PRUNE2: variants seen among roughly 807,000 people sequenced by gnomAD.
The protein encoded by PRUNE2 is protein prune homolog 2.
A neutral mutation model predicts 252.0 loss-of-function variants in PRUNE2; 164 were observed. That is an observed-to-expected ratio of 0.65 (90% CI 0.57 to 0.74). The LOEUF (loss-of-function observed/expected upper bound fraction) is 0.74, where lower values mean the gene tolerates loss of function less well. PRUNE2 is among the 30% of genes least tolerant of loss of function. The pLI is 0.00. For synonymous variants in PRUNE2, 1,292 were observed against 1,350.2 expected (o/e 0.96, Z 0.94); for missense variants, 3,495 against 3,711.0 (o/e 0.94, Z 1.51).
At chr9:76,786,912 C>G (rs1254404752) in intron 6 of PRUNE2, 1 of 152,220 alleles carries the variant, frequency 6.6e-6, no homozygotes, top group Non-Finnish European at 1.5e-5. Flanking sequence ...TACATGCATG[C>G]AAGACTGCTG....
At chr9:76,771,792 G>A (rs370744413) in intron 6 of PRUNE2, among the ~76,000 whole-genome samples, 1 of 152,154 alleles carries the variant, frequency 6.6e-6, no homozygotes, top group South Asian at 2.1e-4. Context: ...CCCAGAGGGA[G>A]AGGCCACTAT....
intron 1 of PRUNE2, among the ~76,000 whole-genome samples, chr9:76,883,011 C>T (rs1176891592): frequency 2.0e-5 from 3 of 152,140 alleles, no homozygotes; most frequent in African/African-American, 7.2e-5. Context: ...AGTTTTCTTT[C>T]TTTCAGGCCT....
At chr9:76,752,864 C>T (rs1433127997) in intron 6 of PRUNE2, among the ~76,000 whole-genome samples, 1 of 152,122 alleles carries the variant, frequency 6.6e-6, no homozygotes, top group Admixed American at 6.5e-5. Flanking sequence ...TTGAATAACC[C>T]AAAGATTGGG....
At chr9:76,797,811 TA>T (rs1333327221) in intron 6 of PRUNE2, among the ~76,000 whole-genome samples, 1 of 152,172 alleles carries the variant, frequency 6.6e-6, no homozygotes, top group African/African-American at 2.4e-5. Context: ...TCCGGTGTTT[TA>T]AACAGAAGTC....
intron 11 of PRUNE2, chr9:76,645,248 A>G (rs1400024454): frequency 5.2e-6 from 1 of 190,662 alleles, no homozygotes; most frequent in African/African-American, 2.3e-5. Context: ...ATCAGGGTAA[A>G]GAAAGATTGC....
At chr9:76,878,982 C>T (rs2061608635) in intron 1 of PRUNE2, among the ~76,000 whole-genome samples, 1 of 152,186 alleles carries the variant, frequency 6.6e-6, no homozygotes, top group African/African-American at 2.4e-5. Flanking sequence ...ACAGAATATA[C>T]TAACCAAATC....
In PRUNE2 at chr9:76,667,085, A is replaced by G. The variant is rs1228111332; in HGVS notation, c.8277-11583T>C. On this transcript the variant is annotated intron_variant, in intron 9 of 18. Coordinates refer to ENST00000376718, the MANE Select transcript of PRUNE2 (RefSeq NM_015225.3). The stretch of plus-strand genomic sequence containing the variant: ...ATTCTCTTCCAACAAATTCCTTTTG[A>G]TAAGAAGTTTAGCTTTTGTCAAAAC... Among the ~76,000 whole-genome samples the G allele has an allele frequency of 5.3e-5, 8 of 152,354 alleles. No individual in the cohort carries two copies. The East Asian group carries it at 1.3e-3, about 26-fold the overall frequency.
intron 9 of PRUNE2, among the ~76,000 whole-genome samples, chr9:76,667,439 C>T (rs2040419624): frequency 6.6e-6 from 1 of 152,200 alleles, no homozygotes; most frequent in South Asian, 2.1e-4. Flanking sequence ...CTGCAGCCCC[C>T]ATTTCACCTG....
At chr9:76,865,796 TCTCTCTC>T (rs1445849100) in intron 1 of PRUNE2, among the ~76,000 whole-genome samples, 1 of 141,682 alleles carries the variant, frequency 7.1e-6, no homozygotes, top group Non-Finnish European at 1.5e-5. Flanking sequence ...TCTTTCTCCC[TCTCTCTC>T]CCTACACACA....
At chr9:76,784,245 A>G (rs996016121) in intron 6 of PRUNE2, 3 of 152,234 alleles carry the variant, frequency 2.0e-5, no homozygotes, top group Non-Finnish European at 4.4e-5. Flanking sequence ...GCAGGAAAAC[A>G]GATCCTGTTG....
At chr9:76,870,525 A>C (rs1453405131) in intron 1 of PRUNE2, among the ~76,000 whole-genome samples, 1 of 152,042 alleles carries the variant, frequency 6.6e-6, no homozygotes, top group African/African-American at 2.4e-5. Context: ...CTCTACTAAA[A>C]ATACAAAAAA....
chr9:76,768,038 G>A (rs2052614069), intron 6 of PRUNE2, among the ~76,000 whole-genome samples: 3 of 152,130 alleles, frequency 2.0e-5, no homozygotes, highest in Non-Finnish European at 4.4e-5. Context: ...CATCACAGCG[G>A]CAGGTCAGAG....
At chr9:76,832,757 C>A (rs115397708) in intron 4 of PRUNE2, among the ~76,000 whole-genome samples, 2,109 of 151,856 alleles carry the variant, frequency 0.014, 43 homozygotes, top group African/African-American at 0.046. Flanking sequence ...ACTTGGATTT[C>A]TGGAAAAAAC....
rs1163741389 is a variant in PRUNE2 at position 76,747,805 on chromosome 9, TTTTTTTTG to T, written c.757-34092_757-34085del. ...TCCTCCATTCTCCACTTCTTTTTTTTTTTTTTTGGAGAAGAAGTCTTGCTCTGTCGCCC... is the reference window on the plus strand; with the variant it reads ...TCCTCCATTCTCCACTTCTTTTTTTTGAGAAGAAGTCTTGCTCTGTCGCCC... On this transcript the variant is annotated intron_variant, in intron 6 of 18. Transcript: ENST00000376718. 7.8e-3 allele frequency among the ~76,000 whole-genome samples: 1,189 copies of T among 152,020 alleles called. 18 individuals carry two copies. The highest frequency in any genetic ancestry group is 0.028 in the African/African-American group (1,152 of 41,468).
Position 76,707,289 on chromosome 9 carries a change from T to G in PRUNE2, c.4985A>C (p.Gln1662Pro), listed in dbSNP as rs751235106. ...AGAAATGTCATGTTCATTTTTCTCCTGGTAGCTAGCAATTAGATTGCTTTC... is the reference window on the plus strand; with the variant it reads ...AGAAATGTCATGTTCATTTTTCTCCGGGTAGCTAGCAATTAGATTGCTTTC... ...HQESNLIASY[Q>P]EKNEHDISAT... The change falls in exon 8 of 19, where the codon CAG becomes CCG. Residue 1662 changes from glutamine to proline, a missense_variant. Coordinates refer to ENST00000376718, the MANE Select transcript of PRUNE2 (RefSeq NM_015225.3). 1.2e-6 allele frequency: 2 copies of G among 1,613,982 alleles called. No homozygotes were observed. Among genetic ancestry groups the G allele is most frequent in the Non-Finnish European group, 1.7e-6 (2 of 1,179,874 alleles).
intron 6 of PRUNE2, among the ~76,000 whole-genome samples, chr9:76,735,899 T>C (rs1433158356): frequency 6.6e-6 from 1 of 152,216 alleles, no homozygotes; most frequent in Admixed American, 6.5e-5. Flanking sequence ...GAGCAGGAAC[T>C]GGAACCCAAG....
At chr9:76,733,299 A>C (rs956880715) in intron 6 of PRUNE2, among the ~76,000 whole-genome samples, 4 of 152,214 alleles carry the variant, frequency 2.6e-5, no homozygotes, top group African/African-American at 9.7e-5. Flanking sequence ...ATTGCACATC[A>C]ACACAGCTTG....
chr9:76,666,853 C>A (rs2040297255), intron 9 of PRUNE2, among the ~76,000 whole-genome samples: 1 of 152,114 alleles, frequency 6.6e-6, no homozygotes, highest in Non-Finnish European at 1.5e-5. Context: ...CAGAGATCAG[C>A]CTGACCAACA....
intron 6 of PRUNE2, among the ~76,000 whole-genome samples, chr9:76,802,759 C>A (rs199811269): frequency 2.0e-5 from 3 of 150,656 alleles, no homozygotes; most frequent in Non-Finnish European, 4.4e-5. Flanking sequence ...AATTTGTCTA[C>A]AAAAAAAAAG....
Sources: gnomAD v4.1 joint callset for allele counts (sites outside exome capture counted in the v4.1 genomes callset) on GRCh38, gnomAD v4.1.1 for gene constraint, MANE v1.5 for transcripts, NCBI Gene and HGNC (gene_info 2026-07-23, HGNC 2026-07-21) for gene names.